The following UNC79 variants were observed in gnomAD, a reference collection of about 807,000 sequenced individuals.
The protein encoded by UNC79 is unc-79 subunit of NALCN channel complex.
In UNC79, 37 loss-of-function variants were observed where a neutral mutation model predicts 283.1. The observed-to-expected ratio is 0.13, with a 90% CI of 0.10 to 0.17. The LOEUF is 0.17. UNC79 is among the 10% of genes least tolerant of loss of function. UNC79 has a pLI of 1.00. For synonymous variants in UNC79, 1,107 were observed against 1,200.2 expected, an observed-to-expected ratio of 0.92 and a Z score of 1.61; for missense variants, 2,272 against 3,211.1, an observed-to-expected ratio of 0.71 and a Z score of 7.07.
intron 32 of UNC79, among the ~76,000 whole-genome samples, chr14:93,639,103 G>A (rs367585747): frequency 2.0e-5 from 3 of 152,138 alleles, no homozygotes; most frequent in South Asian, 2.1e-4. Flanking sequence ...GAATGACTTC[G>A]AGTGCCTCCC....
At chr14:93,616,136 C>T (rs566866861) in intron 27 of UNC79, among the ~76,000 whole-genome samples, 2 of 152,126 alleles carry the variant, frequency 1.3e-5, no homozygotes, top group South Asian at 4.2e-4. Flanking sequence ...AAATTTGTAT[C>T]ATATTCTGTA....
chr14:93,613,734 C>A (rs759266147), intron 27 of UNC79, among the ~76,000 whole-genome samples: 1 of 152,124 alleles, frequency 6.6e-6, no homozygotes, highest in Non-Finnish European at 1.5e-5. Flanking sequence ...GTTTCTAGAT[C>A]ACTGTGCCTA....
chr14:93,486,512 G>A (rs1028015238), intron 4 of UNC79, among the ~76,000 whole-genome samples: 2 of 151,996 alleles, frequency 1.3e-5, no homozygotes, highest in Non-Finnish European at 2.9e-5. Context: ...AAATTAGCCG[G>A]GTGTGGGGGC....
At chr14:93,337,115 C>G (rs147148757) in intron 1 of UNC79, among the ~76,000 whole-genome samples, 8 of 152,302 alleles carry the variant, frequency 5.3e-5, no homozygotes, top group African/African-American at 1.9e-4. Context: ...TGCCTTTCAG[C>G]CAATAAAGTA....
At chr14:93,357,486 C>A (rs535357408) in intron 1 of UNC79, among the ~76,000 whole-genome samples, 1 of 151,570 alleles carries the variant, frequency 6.6e-6, no homozygotes, top group Admixed American at 6.6e-5. Context: ...GGCAGAAAAA[C>A]GTGAAAACAC....
At chr14:93,370,576 T>G (rs1010605224) in intron 1 of UNC79, among the ~76,000 whole-genome samples, 10 of 151,996 alleles carry the variant, frequency 6.6e-5, no homozygotes, top group Non-Finnish European at 5.9e-5. Context: ...ATCGAGACCA[T>G]CCTGGCTGAC....
chr14:93,585,053 T>G (rs1397774818), intron 20 of UNC79, among the ~76,000 whole-genome samples: 1 of 152,216 alleles, frequency 6.6e-6, no homozygotes, highest in Non-Finnish European at 1.5e-5. Flanking sequence ...ACAGTCCACT[T>G]ATTAAAACAC....
intron 22 of UNC79, among the ~76,000 whole-genome samples, chr14:93,590,571 A>G (rs2064589734): frequency 6.6e-6 from 1 of 152,166 alleles, no homozygotes; most frequent in African/African-American, 2.4e-5. Context: ...CACTTGCCAA[A>G]TGGACTGTTA....
At chr14:93,555,424 G>A (rs1218998928) in intron 14 of UNC79, among the ~76,000 whole-genome samples, 1 of 151,918 alleles carries the variant, frequency 6.6e-6, no homozygotes, top group Non-Finnish European at 1.5e-5. Context: ...TAATTTTTGA[G>A]ATGGAGTCTC....
intron 20 of UNC79, among the ~76,000 whole-genome samples, chr14:93,586,068 G>C (rs1287175661): frequency 6.6e-6 from 1 of 152,108 alleles, no homozygotes; most frequent in Non-Finnish European, 1.5e-5. Context: ...TTTCAGTAGA[G>C]ATGGGGTTTC....
chr14:93,617,346 C>T lies in UNC79; in HGVS notation c.4224+42C>T. 6.2e-7 allele frequency: 1 copy of T among 1,602,158 alleles called. No individual in the cohort carries two copies. The highest frequency in any genetic ancestry group is 8.5e-7 in the Non-Finnish European group (1 of 1,172,930). On this transcript the variant is annotated intron_variant, in intron 28 of 48. Transcript: ENST00000555664. The surrounding 1 kb of genome is among the most constrained non-coding windows in gnomAD (Gnocchi z 4.5). ...CTGCTGTTTTGGATGCAATGGTTCT[C>T]TTAGAGAGCATATAGCATTAGGAGA...
chr14:93,498,452 G>A (rs114993262), intron 7 of UNC79, among the ~76,000 whole-genome samples: 2,954 of 151,802 alleles, frequency 0.019, 88 homozygotes, highest in African/African-American at 0.068. Flanking sequence ...TTAGCCGGAC[G>A]TGGTGGCACG....
chr14:93,489,394 A>G (rs2058613957), intron 5 of UNC79, among the ~76,000 whole-genome samples: 1 of 152,200 alleles, frequency 6.6e-6, no homozygotes, highest in Admixed American at 6.5e-5. Context: ...CCAAAGTCTC[A>G]TGTGAATACC....
intron 27 of UNC79, among the ~76,000 whole-genome samples, chr14:93,615,038 G>T (rs1273486576): frequency 6.6e-6 from 1 of 152,172 alleles, no homozygotes; most frequent in East Asian, 1.9e-4. Flanking sequence ...AGGACTTGGG[G>T]CTACAGAGAT....
intron 35 of UNC79, among the ~76,000 whole-genome samples, chr14:93,653,325 A>ATATATATG (rs1377868048): frequency 6.7e-6 from 1 of 148,486 alleles, no homozygotes; most frequent in Non-Finnish European, 1.5e-5. Flanking sequence ...CTCACTGCAT[A>ATATATATG]TATATATATA....
exon 35 of UNC79, chr14:93,646,622 C>T (rs1389696571): frequency 6.2e-7 from 1 of 1,613,884 alleles, no homozygotes. Context: ...GCATCCAGTA[C>T]TACCTTTTCT....
intron 1 of UNC79, chr14:93,437,500 C>T (rs1263857688): frequency 6.6e-6 from 1 of 152,198 alleles, no homozygotes; most frequent in Non-Finnish European, 1.5e-5. Flanking sequence ...CACTTACCCT[C>T]TATCTGTGCA....
chr14:93,422,261 G>C (rs12100532), intron 1 of UNC79, among the ~76,000 whole-genome samples: 13,685 of 151,772 alleles, frequency 0.09, 862 homozygotes, highest in Middle Eastern at 0.21. Context: ...AAAATTTTCT[G>C]ATTGGCAATT....
chr14:93,333,231 C>A, exon 1 of UNC79: 1 of 365,416 alleles, frequency 2.7e-6, no homozygotes, highest in Non-Finnish European at 4.7e-6. Flanking sequence ...TTTTGCTCGT[C>A]GGCTGGGAGC....
Sources: allele counts gnomAD v4.1 joint callset (sites outside exome capture counted in the v4.1 genomes callset), GRCh38; gene constraint gnomAD v4.1.1; non-coding constraint Gnocchi (gnomAD v3.1); transcripts MANE v1.5; gene names NCBI Gene and HGNC (gene_info 2026-07-23, HGNC 2026-07-21).